PPL: variants seen among roughly 807,000 people sequenced by gnomAD.
The protein encoded by PPL is periplakin.
In PPL, 198 loss-of-function variants were observed where a neutral mutation model predicts 194.4. The observed-to-expected ratio is 1.02, with a 90% CI of 0.91 to 1.15. PPL has a LOEUF of 1.15. PPL is among the 50% of genes most tolerant of loss of function. The pLI is 0.00. For missense variants in PPL, 2,885 were observed against 2,294.8 expected (o/e 1.26, Z -5.25); for synonymous variants, 1,220 against 972.4 (o/e 1.25, Z -4.74).
At chr16:4,920,791 T>C (rs1596581629) in intron 1 of PPL, among the ~76,000 whole-genome samples, 1 of 152,144 alleles carries the variant, frequency 6.6e-6, no homozygotes, top group Admixed American at 6.5e-5. Flanking sequence ...TTTGTAGACA[T>C]GGAGTCTCTC....
chr16:4,913,678 C>G (rs914389991), intron 1 of PPL, among the ~76,000 whole-genome samples: 1 of 152,176 alleles, frequency 6.6e-6, no homozygotes, highest in African/African-American at 2.4e-5. Context: ...GCTGGGATTA[C>G]AGGTGTGAGC....
In PPL at chr16:4,891,835, C is replaced by T. The variant is rs902584725; in HGVS notation, c.1944G>A (p.Leu648=). ...DDTVPESSRV[L]DSKGQELAAM... ...CCGCCAGCTCCTGCCCCTTGCTGTC[C>T]AGGACACGGCTGCTCTCAGGCACTG... The change falls in exon 16 of 22, where the codon CTG becomes CTA. Residue 648 remains leucine, a synonymous_variant. Coordinates refer to ENST00000345988, the MANE Select transcript of PPL (RefSeq NM_002705.5). 4 of 1,612,706 alleles carry T rather than the reference C, an allele frequency of 2.5e-6. No homozygotes were observed. Among genetic ancestry groups the T allele is most frequent in the African/African-American group, 2.7e-5 (2 of 74,904 alleles).
At chr16:4,912,829 T>C (rs1009351896) in intron 1 of PPL, among the ~76,000 whole-genome samples, 3 of 152,114 alleles carry the variant, frequency 2.0e-5, no homozygotes, top group Non-Finnish European at 4.4e-5. Context: ...TGAGGCCCGG[T>C]GTGGTGGCTC....
intron 2 of PPL, among the ~76,000 whole-genome samples, chr16:4,907,679 C>T (rs2088721238): frequency 6.6e-6 from 1 of 151,986 alleles, no homozygotes; most frequent in Admixed American, 6.6e-5. Context: ...CTGACTTGTA[C>T]ACATTACATG....
chr16:4,915,188 C>T (rs1369294767), intron 1 of PPL, among the ~76,000 whole-genome samples: 1 of 152,202 alleles, frequency 6.6e-6, no homozygotes, highest in Non-Finnish European at 1.5e-5. Flanking sequence ...CAGCCGAAGC[C>T]CCCCAGAGGA....
chr16:4,925,296 C>T (rs1040723118), intron 1 of PPL, among the ~76,000 whole-genome samples: 3 of 152,352 alleles, frequency 2.0e-5, no homozygotes, highest in African/African-American at 4.8e-5. Flanking sequence ...CCCCTACCTT[C>T]TTTAAACACT....
chr16:4,897,803 G>T, intron 8 of PPL, 33 bp from the exon 9 acceptor site: 2 of 1,569,800 alleles, frequency 1.3e-6, no homozygotes, highest in Non-Finnish European at 1.8e-6. Flanking sequence ...GTCACCACTG[G>T]GCAGGTACTG....
At chr16:4,912,362 T>C (rs1214443281) in intron 1 of PPL, among the ~76,000 whole-genome samples, 1 of 152,276 alleles carries the variant, frequency 6.6e-6, no homozygotes, top group African/African-American at 2.4e-5. Context: ...TTTGTGCATA[T>C]TGCAGCATCT....
At chr16:4,935,700 T>A (rs1043971958) in intron 1 of PPL, among the ~76,000 whole-genome samples, 6 of 152,164 alleles carry the variant, frequency 3.9e-5, no homozygotes, top group African/African-American at 1.4e-4. Flanking sequence ...GGCCCCGGAA[T>A]GGAGTGTCGC....
At position 4,885,829 on chromosome 16, in the gene PPL, C is replaced by G; in HGVS notation, c.2826G>C (p.Pro942=). ...GGAAGCTCTCCTCCAGCACGGGATC[C>G]GGCACCTTCTTGAGCACCTCCTTCC... is the stretch of plus-strand genomic sequence containing the variant. ...VVRKEVLKKV[P]DPVLEESFQQ... is the part of the protein sequence containing the mutation. Residue 942 remains proline (P), a synonymous_variant, in exon 22 of 22, where the codon CCG becomes CCC. Transcript: ENST00000345988. The surrounding 1 kb of genome is among the most constrained non-coding windows in gnomAD (Gnocchi z 6.3). 6.2e-7 allele frequency: 1 copy of G among 1,608,046 alleles called. No individual in the cohort carries two copies. Among genetic ancestry groups the G allele is most frequent in the African/African-American group, 1.3e-5 (1 of 75,050 alleles).
At chr16:4,920,345 G>GAGAAAGAAAGAAAGAAAGAAAGAA (rs1049654889) in intron 1 of PPL, among the ~76,000 whole-genome samples, 2,573 of 25,228 alleles carry the variant, frequency 0.1, 331 homozygotes, top group East Asian at 0.26. Context: ...GAGAGAGAGA[G>GAGAAAGAAAGAAAGAAAGAAAGAA]AGAAAGAAAG....
In PPL at chr16:4,893,340, A is replaced by G. The variant is rs2088355981; in HGVS notation, c.1523T>C (p.Leu508Pro). 1 of 1,608,310 alleles carries G rather than the reference A, an allele frequency of 6.2e-7. No homozygotes were observed. Among genetic ancestry groups the G allele is most frequent in the African/African-American group, 1.3e-5 (1 of 75,026 alleles). Reference sequence around the variant, plus strand: ...GCTGGCCACCTTGTCCAAGCCAGCCAGCAGCTGCCGCCCCTGTAGGTCAGA... The same window carrying G: ...GCTGGCCACCTTGTCCAAGCCAGCCGGCAGCTGCCGCCCCTGTAGGTCAGA... ...DASDLQGRQL[L>P]AGLDKVASDL... The change falls in exon 14 of 22, where the codon CTG becomes CCG. Residue 508 changes from leucine (L) to proline (P), a missense_variant. By Grantham distance (98) the Leu-to-Pro change is moderately conservative. Coordinates refer to ENST00000345988, the MANE Select transcript of PPL (RefSeq NM_002705.5).
At position 4,884,700 on chromosome 16, in the gene PPL, G is replaced by C. The variant is rs1016847665; in HGVS notation, c.3955C>G (p.Gln1319Glu). The C allele has an allele frequency of 3.7e-6, 6 of 1,613,936 alleles. No homozygotes were observed. The Admixed American group carries it at 1.0e-4, about 27-fold the overall frequency. The change falls in exon 22 of 22, where the codon CAG (glutamine) becomes GAG (glutamate). Residue 1319 changes from glutamine to glutamate, a missense_variant. Coordinates refer to ENST00000345988, the MANE Select transcript of PPL (RefSeq NM_002705.5). The surrounding 1 kb of genome is among the most constrained non-coding windows in gnomAD (Gnocchi z 5.7). ...CTCTCCAGATCCACTTGTTTCTTCT[G>C]CTCCTCTGAGAGCTTTGCCCTCAGA... ...ASLRAKLSEEQKKQVDLERER... is the reference protein window; with the variant it reads ...ASLRAKLSEEEKKQVDLERER...
Position 4,903,890 on chromosome 16 carries a change from C to T in PPL, c.313G>A (p.Glu105Lys), listed in dbSNP as rs202078495. The T allele has an allele frequency of 2.4e-5, 39 of 1,613,954 alleles. No homozygotes were observed. Among genetic ancestry groups the T allele is most frequent in the South Asian group, 1.5e-4 (14 of 91,076 alleles). ...MKHPQGDMIAEDIRQLKERVT... is the reference protein window; with the variant it reads ...MKHPQGDMIAKDIRQLKERVT... Reference sequence around the variant, plus strand: ...TAAGAAGCAGAAGGGACCTACTCCTCGGCGATCATGTCCCCCTGTGGGTGC... The same window carrying T: ...TAAGAAGCAGAAGGGACCTACTCCTTGGCGATCATGTCCCCCTGTGGGTGC... The change falls in exon 3 of 22, where the codon GAG (glutamate) becomes AAG (lysine). Residue 105 changes from glutamate to lysine, a missense_variant. Coordinates refer to ENST00000345988, the MANE Select transcript of PPL (RefSeq NM_002705.5).
rs554232014 is a variant in PPL at position 4,920,220 on chromosome 16, G to A, written c.63-9271C>T. ...AATTGCTTGAACCTGGGAGGTGGAG[G>A]TTGCAGTGAGCTGAGATTGAGTCAC... On this transcript the variant is annotated intron_variant, in intron 1 of 21. Transcript: ENST00000345988. Among the ~76,000 whole-genome samples, 227 of 151,600 alleles carry A rather than the reference G, an allele frequency of 1.5e-3. 1 individual carries two copies. Among genetic ancestry groups the A allele is most frequent in the Non-Finnish European group, 2.7e-3 (180 of 67,924 alleles).
At chr16:4,890,580 A>T in intron 17 of PPL, 148 bp downstream of exon 17, 1 of 1,107,628 alleles carries the variant, frequency 9.0e-7, no homozygotes, top group Non-Finnish European at 1.3e-6. Flanking sequence ...ATGACTCAAA[A>T]GAGAGACCAC....
At position 4,902,987 on chromosome 16, in the gene PPL, C is replaced by T. The variant is rs889698880; in HGVS notation, c.318-461G>A. 6.6e-6 allele frequency among the ~76,000 whole-genome samples: 1 copy of T among 152,184 alleles called. No individual in the cohort carries two copies. The highest frequency in any genetic ancestry group is 2.4e-5 in the African/African-American group (1 of 41,448). The stretch of plus-strand genomic sequence containing the variant: ...CACAGGCGTGAGCCACCGTGCCTGG[C>T]CCCACCCACTTTCCCTCAACCTTCC... On this transcript the variant is annotated intron_variant, in intron 3 of 21. Transcript: ENST00000345988. This position sits in a 1 kb window ranked among gnomAD's most constrained non-coding sequence, Gnocchi z 4.0.
intron 1 of PPL, among the ~76,000 whole-genome samples, chr16:4,921,849 C>T (rs1374633874): frequency 6.6e-6 from 1 of 150,738 alleles, no homozygotes; most frequent in African/African-American, 2.4e-5. Context: ...AGCTGGGACT[C>T]GAACCTAGGA....
rs201449064 is a variant in PPL, at chr16:4,883,727, A to G, written c.4928T>C (p.Val1643Ala). 8.2e-5 allele frequency: 132 copies of G among 1,613,970 alleles called. 1 individual carries two copies. In the East Asian group the frequency reaches 2.7e-3, roughly 33 times the overall value. ...CTCCCGCTGCTCCCGCTTGACGGCC[A>G]CGGAGCCCAGGCGCTTCTGCAGCTC... is the stretch of plus-strand genomic sequence containing the variant. ...IDELQKRLGS[V>A]AVKREQRENH... The change falls in exon 22 of 22, where the codon GTG becomes GCG. Residue 1643 changes from valine to alanine, a missense_variant. Transcript: ENST00000345988. This position sits in a 1 kb window ranked among gnomAD's most constrained non-coding sequence, Gnocchi z 4.8.
Sources: gnomAD v4.1 joint callset for allele counts (sites outside exome capture counted in the v4.1 genomes callset) on GRCh38, gnomAD v4.1.1 for gene constraint, Gnocchi (gnomAD v3.1) non-coding constraint, MANE v1.5 for transcripts, NCBI Gene and HGNC (gene_info 2026-07-23, HGNC 2026-07-21) for gene names.